NFIA: variants seen among roughly 807,000 people sequenced by gnomAD.
NFIA encodes the protein nuclear factor I A.
NFIA carries 8 observed loss-of-function variants against 62.8 expected under a neutral mutation model. The ratio of observed to expected loss-of-function variants is 0.13; its 90% CI spans 0.07 to 0.23. NFIA has a LOEUF of 0.23. Among genes scored for constraint, NFIA ranks in the 10% least tolerant of loss-of-function variants. NFIA has a pLI of 1.00. For missense variants in NFIA, 410 were observed against 642.1 expected (o/e 0.64, Z 3.91); for synonymous variants, 235 against 238.1 (o/e 0.99, Z 0.12).
intron 1 of NFIA, among the ~76,000 whole-genome samples, chr1:61,083,147 C>CA (rs1212842188): frequency 2.0e-5 from 3 of 152,172 alleles, no homozygotes; most frequent in African/African-American, 7.2e-5. Flanking sequence ...TGTTTTCGGA[C>CA]ACCCCGCACG....
At chr1:61,229,478 TA>T (rs1450010509) in intron 2 of NFIA, among the ~76,000 whole-genome samples, 1 of 152,184 alleles carries the variant, frequency 6.6e-6, no homozygotes, top group Non-Finnish European at 1.5e-5. Flanking sequence ...AATGTTTTAT[TA>T]AAATTTCTTG....
rs552590388 is a variant in NFIA at position 61,178,091 on chromosome 1, G to A, written c.559+89411G>A. On this transcript the variant is annotated intron_variant, in intron 2 of 10. Coordinates refer to ENST00000403491, the MANE Select transcript of NFIA (RefSeq NM_001134673.4). ...CCCTAGATCGCCAGAGATCAAGGCA[G>A]AAATGAAGTAGAGGATGGCTTTGCA... Among the ~76,000 whole-genome samples the A allele has an allele frequency of 7.2e-5, 11 of 152,286 alleles. No homozygotes were observed. In the South Asian group the frequency reaches 2.3e-3, roughly 32 times the overall value.
rs563528385 is a variant in NFIA, at chr1:61,418,999, A to G, written c.1421-7466A>G. ...TCTGATCAATAAACATTTTCTGTCA[A>G]TTGAGCAACACACAGCATACACATA... On this transcript the variant is annotated intron_variant, in intron 9 of 10. Transcript: ENST00000403491. Among the ~76,000 whole-genome samples the G allele has an allele frequency of 2.6e-5, 4 of 152,378 alleles. No homozygotes were observed. In the East Asian group the frequency reaches 5.8e-4, roughly 22 times the overall value.
chr1:61,290,293 C>T (rs920245930), intron 3 of NFIA, among the ~76,000 whole-genome samples: 5 of 152,002 alleles, frequency 3.3e-5, no homozygotes, highest in Admixed American at 1.3e-4. Context: ...AAAGTGTTTC[C>T]GTTGCAAAAG....
chr1:61,338,941 C>G (rs1322404180), intron 4 of NFIA, among the ~76,000 whole-genome samples: 1 of 152,144 alleles, frequency 6.6e-6, no homozygotes, highest in Non-Finnish European at 1.5e-5. Context: ...TAAGCAAGAT[C>G]TTCTTTCAAA....
At chr1:61,081,739 G>A, upstream of NFIA, 1 of 819,472 alleles carries the variant, frequency 1.2e-6, no homozygotes, top group South Asian at 1.8e-5. Flanking sequence ...TGTGGGCACT[G>A]ATTCCTCACC....
chr1:61,106,100 C>CATCTATCTATCTATCTATCTATCT (rs58274631), intron 2 of NFIA, among the ~76,000 whole-genome samples: 29 of 149,156 alleles, frequency 1.9e-4, no homozygotes, highest in East Asian at 1.6e-3. Context: ...CTCTCTCATG[C>CATCTATCTATCTATCTATCTATCT]ATCTATCTAT....
At chr1:61,102,919 C>CT (rs1365384954) in intron 2 of NFIA, among the ~76,000 whole-genome samples, 1 of 152,138 alleles carries the variant, frequency 6.6e-6, no homozygotes, top group Non-Finnish European at 1.5e-5. Flanking sequence ...AAGTTAAAGT[C>CT]TGAGAGGGTG....
chr1:61,096,802 C>T (rs1018743325), intron 2 of NFIA, among the ~76,000 whole-genome samples: 2 of 151,758 alleles, frequency 1.3e-5, no homozygotes, highest in Admixed American at 6.6e-5. Context: ...CTGCCCACCT[C>T]GGCCTCTCAA....
intron 2 of NFIA, among the ~76,000 whole-genome samples, chr1:61,196,898 AGTGTGTGT>A (rs3030264): frequency 0.036 from 5,353 of 148,510 alleles, 99 homozygotes; most frequent in Non-Finnish European, 0.046. Flanking sequence ...ACCTTAAAGG[AGTGTGTGT>A]GTGTGTGTGT....
intron 2 of NFIA, among the ~76,000 whole-genome samples, chr1:61,257,718 T>A (rs960006146): frequency 6.6e-6 from 1 of 152,072 alleles, no homozygotes; most frequent in Non-Finnish European, 1.5e-5. Context: ...ATTTATTATT[T>A]ATTTTTCAAA....
chr1:61,415,277 A>G (rs768942552), intron 9 of NFIA, among the ~76,000 whole-genome samples: 1 of 152,184 alleles, frequency 6.6e-6, no homozygotes, highest in Non-Finnish European at 1.5e-5. Context: ...ACAAGAAAAT[A>G]CAGGGCAAAT....
At chr1:61,351,035 C>T (rs1662524268) in intron 4 of NFIA, among the ~76,000 whole-genome samples, 1 of 152,202 alleles carries the variant, frequency 6.6e-6, no homozygotes, top group Non-Finnish European at 1.5e-5. Flanking sequence ...AGTCATACTT[C>T]AAGTAGCCAT....
chr1:61,226,260 CAGTT>C (rs2100624356), intron 2 of NFIA, among the ~76,000 whole-genome samples: 1 of 152,292 alleles, frequency 6.6e-6, no homozygotes, highest in Admixed American at 6.5e-5. Context: ...TGTGCCTCAA[CAGTT>C]AGCACTTAAA....
At chr1:61,381,707 TTAAA>T (rs1436849677) in intron 6 of NFIA, among the ~76,000 whole-genome samples, 3 of 152,180 alleles carry the variant, frequency 2.0e-5, no homozygotes, top group Non-Finnish European at 4.4e-5. Context: ...CACAAGTAGT[TTAAA>T]TATCTTTTCA....
chr1:61,408,485 C>T (rs1665952878), intron 9 of NFIA, among the ~76,000 whole-genome samples: 1 of 152,238 alleles, frequency 6.6e-6, no homozygotes, highest in African/African-American at 2.4e-5. Context: ...ATTATGCCTA[C>T]TGTGCCCTGT....
At chr1:61,241,268 A>G (rs1320931642) in intron 2 of NFIA, among the ~76,000 whole-genome samples, 2 of 151,990 alleles carry the variant, frequency 1.3e-5, no homozygotes. Context: ...CCACTTTCCT[A>G]CTAACTGGTG....
At chr1:61,322,325 A>G (rs1660717054) in intron 3 of NFIA, among the ~76,000 whole-genome samples, 1 of 152,164 alleles carries the variant, frequency 6.6e-6, no homozygotes, top group East Asian at 1.9e-4. Flanking sequence ...AAACGCAAAA[A>G]CATACAGTAG....
At chr1:61,132,890 A>G (rs1465133126) in intron 2 of NFIA, 1 of 152,172 alleles carries the variant, frequency 6.6e-6, no homozygotes, top group African/African-American at 2.4e-5. Flanking sequence ...CCACTGCGTT[A>G]ATTTCCTGTC....
Sources: allele counts gnomAD v4.1 joint callset (sites outside exome capture counted in the v4.1 genomes callset), GRCh38; gene constraint gnomAD v4.1.1; transcripts MANE v1.5; gene names NCBI Gene and HGNC (gene_info 2026-07-23, HGNC 2026-07-21).